TMCC1: variants seen among roughly 807,000 people sequenced by gnomAD.
The protein encoded by TMCC1 is transmembrane and coiled-coil domain family 1, also known as transmembrane and coiled-coil domains protein 1.
TMCC1 carries 15 observed loss-of-function variants against 52.4 expected under a neutral mutation model. The observed-to-expected ratio is 0.29, with a 90% CI of 0.19 to 0.44. TMCC1 has a LOEUF of 0.44. TMCC1 is among the 20% of genes least tolerant of loss of function. The pLI is 1.00. For missense variants in TMCC1, 503 were observed against 806.0 expected, an observed-to-expected ratio of 0.62 and a Z score of 4.55; for synonymous variants, 279 against 301.9, an observed-to-expected ratio of 0.92 and a Z score of 0.79.
intron 2 of TMCC1, among the ~76,000 whole-genome samples, chr3:129,841,474 C>T (rs1034487219): frequency 1.3e-5 from 2 of 152,122 alleles, no homozygotes; most frequent in African/African-American, 4.8e-5. Context: ...GTAGTCCCAG[C>T]TTGGGAGGCT....
chr3:129,807,442 G>T (rs2057530907), intron 4 of TMCC1, among the ~76,000 whole-genome samples: 2 of 152,096 alleles, frequency 1.3e-5, no homozygotes, highest in Admixed American at 6.5e-5. Flanking sequence ...AGATTGAAAG[G>T]ACTCATAAAT....
rs187231978 is a variant in TMCC1, at chr3:129,876,083, G to A, written c.-184+4226C>T. The stretch of plus-strand genomic sequence containing the variant: ...CTGGGAGACGGGGTTGCAGTGAGCC[G>A]AGATCACACCACTGCACTCCAGCCT... On this transcript the variant is annotated intron_variant, in intron 2 of 6. Transcript: ENST00000393238. Among the ~76,000 whole-genome samples, 767 of 146,654 alleles carry A rather than the reference G, an allele frequency of 5.2e-3. 3 individuals are homozygous for A. Among genetic ancestry groups the A allele is most frequent in the African/African-American group, 0.019 (743 of 39,682 alleles).
chr3:129,792,189 C>CAT (rs35333957), intron 4 of TMCC1, among the ~76,000 whole-genome samples: 3,332 of 139,850 alleles, frequency 0.024, 61 homozygotes, highest in Middle Eastern at 0.062. Context: ...TATATATATA[C>CAT]ATATATATAT....
chr3:129,877,062 T>C (rs527330586), intron 2 of TMCC1, among the ~76,000 whole-genome samples: 5 of 152,360 alleles, frequency 3.3e-5, no homozygotes, highest in African/African-American at 1.2e-4. Context: ...ATTACTTACA[T>C]ATCTTAAATC....
intron 2 of TMCC1, among the ~76,000 whole-genome samples, chr3:129,877,803 T>A (rs889111667): frequency 6.6e-6 from 1 of 151,706 alleles, no homozygotes; most frequent in Non-Finnish European, 1.5e-5. Flanking sequence ...TAATTTTTTG[T>A]ATTTTTAATA....
chr3:129,770,628 AAATG>A lies in TMCC1; in HGVS notation c.576+57171_576+57174del, dbSNP rs1192489990. On this transcript the variant is annotated intron_variant, in intron 4 of 6. Transcript: ENST00000393238. ...AAATGAAATGAAATGAAATGAAATG[AAATG>A]AAATAAAATAAAATAAAATAAAATA... is the stretch of plus-strand genomic sequence containing the variant. Among the ~76,000 whole-genome samples the A allele has an allele frequency of 6.2e-3, 936 of 151,800 alleles. 7 individuals carry two copies. Among genetic ancestry groups the A allele is most frequent in the African/African-American group, 8.6e-3 (357 of 41,436 alleles).
intron 4 of TMCC1, among the ~76,000 whole-genome samples, chr3:129,757,978 C>A (rs1451669500): frequency 6.6e-6 from 1 of 151,954 alleles, no homozygotes. Context: ...ATCAACCATG[C>A]AATGGGGATC....
chr3:129,860,434 G>A (rs994523615), intron 2 of TMCC1, among the ~76,000 whole-genome samples: 6 of 151,794 alleles, frequency 4.0e-5, no homozygotes, highest in Admixed American at 1.3e-4. Context: ...GGGGGGAAAC[G>A]GGTAATAGTA....
At chr3:129,771,797 A>AAGAAGAAG (rs1553864006) in intron 4 of TMCC1, among the ~76,000 whole-genome samples, 1 of 86,834 alleles carries the variant, frequency 1.2e-5, no homozygotes, top group Non-Finnish European at 2.4e-5. Flanking sequence ...AAAAAAAAAA[A>AAGAAGAAG]AAGAAGAAGA....
At position 129,716,329 on chromosome 3, in the gene TMCC1, A is replaced by ATT. The variant is rs71155569; in HGVS notation, c.577-45067_577-45066dup. Among the ~76,000 whole-genome samples, 195 of 73,622 alleles carry ATT rather than the reference A, an allele frequency of 2.6e-3. 3 individuals carry two copies. The highest frequency in any genetic ancestry group is 0.018 in the East Asian group (52 of 2,898). The allele number at this position is 73,622 out of a possible 152,430, so 48.3% of individuals were successfully genotyped here. The stretch of plus-strand genomic sequence containing the variant: ...AAGCATGAACCACTACACCTGGCAA[A>ATT]TTTTTTTTTTTTTTTTTTTTTTTGA... On this transcript the variant is annotated intron_variant, in intron 4 of 6. Coordinates refer to ENST00000393238, the MANE Select transcript of TMCC1 (RefSeq NM_001017395.5).
intron 4 of TMCC1, among the ~76,000 whole-genome samples, chr3:129,779,705 C>T (rs750568052): frequency 5.3e-5 from 8 of 152,092 alleles, no homozygotes; most frequent in African/African-American, 9.7e-5. Flanking sequence ...CTGCCCATCA[C>T]GCCAACATCT....
At chr3:129,708,785 CT>C (rs1335794617) in intron 4 of TMCC1, among the ~76,000 whole-genome samples, 1 of 152,150 alleles carries the variant, frequency 6.6e-6, no homozygotes, top group African/African-American at 2.4e-5. Flanking sequence ...CAAATAATCA[CT>C]TATTACTTTC....
intron 4 of TMCC1, among the ~76,000 whole-genome samples, chr3:129,712,872 A>C (rs974874003): frequency 3.9e-5 from 6 of 152,230 alleles, no homozygotes; most frequent in African/African-American, 1.4e-4. Flanking sequence ...ATGAGAAATA[A>C]AACCTCTGGT....
intron 2 of TMCC1, among the ~76,000 whole-genome samples, chr3:129,855,857 G>T (rs140002729): frequency 1.3e-5 from 2 of 152,320 alleles, no homozygotes; most frequent in African/African-American, 4.8e-5. Context: ...AATGGAAAAT[G>T]TAAGATCCTG....
chr3:129,845,614 A>T (rs903694518), intron 2 of TMCC1, among the ~76,000 whole-genome samples: 11 of 152,320 alleles, frequency 7.2e-5, no homozygotes, highest in African/African-American at 2.6e-4. Context: ...GGCGAGAAGG[A>T]AAGAGGCCCC....
intron 4 of TMCC1, among the ~76,000 whole-genome samples, chr3:129,811,193 C>T (rs912487494): frequency 1.2e-4 from 18 of 152,160 alleles, no homozygotes; most frequent in African/African-American, 4.3e-4. Context: ...CATTGTTAAG[C>T]TTACAAAGAA....
At chr3:129,823,981 T>C (rs1034132640) in intron 4 of TMCC1, among the ~76,000 whole-genome samples, 7 of 152,200 alleles carry the variant, frequency 4.6e-5, no homozygotes, top group Admixed American at 6.5e-5. Context: ...TTCCATTACG[T>C]TGAGCCTTCA....
chr3:129,857,035 C>T (rs2060173250), intron 2 of TMCC1, among the ~76,000 whole-genome samples: 1 of 152,110 alleles, frequency 6.6e-6, no homozygotes, highest in Non-Finnish European at 1.5e-5. Context: ...CCCCCTGCCT[C>T]ACCCTCCCAA....
rs765678095 is a variant in TMCC1, at chr3:129,720,181, CA to C, written c.577-48918del. On this transcript the variant is annotated intron_variant, in intron 4 of 6. Transcript: ENST00000393238. ...TGGGCAACAGAGTAAGACCCTGTCT[CA>C]AAAAAAAAAAAAAAAAAAAAGAGAT... Among the ~76,000 whole-genome samples the C allele has an allele frequency of 4.7e-3, 278 of 58,708 alleles. 1 individual carries two copies. Among genetic ancestry groups the C allele is most frequent in the Middle Eastern group, 0.042 (5 of 118 alleles). The allele number at this position is 58,708 out of a possible 152,430, so 38.5% of individuals were successfully genotyped here.
Sources: allele counts gnomAD v4.1 joint callset (sites outside exome capture counted in the v4.1 genomes callset), GRCh38; gene constraint gnomAD v4.1.1; transcripts MANE v1.5; gene names NCBI Gene and HGNC (gene_info 2026-07-23, HGNC 2026-07-21).